ABR: variants seen among roughly 807,000 people sequenced by gnomAD.
ABR encodes the protein ABR activator of RhoGEF and GTPase.
ABR carries 35 observed loss-of-function variants against 107.2 expected under a neutral mutation model. That is an observed-to-expected ratio of 0.33 (90% CI 0.25 to 0.43). ABR has a LOEUF of 0.43. Ranked by LOEUF, ABR falls within the 20% of genes least tolerant of loss-of-function variation. The probability of loss-of-function intolerance (pLI) is 1.00; values close to 1 mark genes in which losing one functional copy is unlikely to be tolerated. For missense variants in ABR, 815 were observed against 1,115.2 expected (o/e 0.73, Z 3.83); for synonymous variants, 498 against 462.0 (o/e 1.08, Z -1.00).
At chr17:1,194,090 A>C (rs12450044) in intron 1 of ABR, among the ~76,000 whole-genome samples, 7 of 151,912 alleles carry the variant, frequency 4.6e-5, no homozygotes, top group Non-Finnish European at 8.8e-5. Flanking sequence ...GAAATCTGAC[A>C]AGCTCCTGGG....
At chr17:1,044,952 A>G (rs2031330809) in intron 16 of ABR, among the ~76,000 whole-genome samples, 1 of 152,276 alleles carries the variant, frequency 6.6e-6, no homozygotes, top group African/African-American at 2.4e-5. Flanking sequence ...AGTACTTTTA[A>G]CAAAGTATCC....
chr17:1,198,989 G>A (rs1487760376), intron 1 of ABR, among the ~76,000 whole-genome samples: 1 of 148,478 alleles, frequency 6.7e-6, no homozygotes, highest in Non-Finnish European at 1.5e-5. Context: ...GGGAGGCAGA[G>A]GTTGCAGTGA....
intron 2 of ABR, chr17:1,109,095 C>A: frequency 6.3e-7 from 1 of 1,588,058 alleles, no homozygotes; most frequent in African/African-American, 1.4e-5. Context: ...GGAGGGCAGA[C>A]AGGAAGCGGG....
chr17:1,031,917 T>TCCCTCCTCCGCATCCCTCCTTCCCCG (rs2072836173), intron 16 of ABR: 5 of 762,558 alleles, frequency 6.6e-6, no homozygotes, highest in Admixed American at 1.2e-4. Context: ...TCCTCCCTCC[T>TCCCTCCTCCGCATCCCTCCTTCCCCG]CCCTCCTCCG....
chr17:1,209,553 C>T (rs900457526), intron 1 of ABR, among the ~76,000 whole-genome samples: 1 of 152,152 alleles, frequency 6.6e-6, no homozygotes, highest in Non-Finnish European at 1.5e-5. Flanking sequence ...CCACCATGCT[C>T]AGCCAAAGTT....
At chr17:1,107,126 A>C (rs533861490) in intron 2 of ABR, among the ~76,000 whole-genome samples, 1 of 152,358 alleles carries the variant, frequency 6.6e-6, no homozygotes, top group Non-Finnish European at 1.5e-5. Flanking sequence ...CATTCGAGAA[A>C]GGTCTCCTTC....
At chr17:1,025,418 A>G (rs986569035) in intron 16 of ABR, among the ~76,000 whole-genome samples, 3 of 152,382 alleles carry the variant, frequency 2.0e-5, no homozygotes, top group Middle Eastern at 3.4e-3. Flanking sequence ...TGCCTCGTAC[A>G]GTACGTGTTC....
intron 16 of ABR, among the ~76,000 whole-genome samples, chr17:1,020,895 G>A (rs532539685): frequency 4.6e-5 from 7 of 152,184 alleles, no homozygotes; most frequent in Non-Finnish European, 5.9e-5. Context: ...CCAGCTCCCC[G>A]TGCTCGGATT....
chr17:1,058,781 G>C lies in ABR; in HGVS notation c.1269C>G (p.Pro423=), dbSNP rs1362414573. ...ENEFLLLLNS[P]TIPFRIHNRN... is the part of the protein sequence containing the mutation. Reference sequence around the variant, plus strand: ...GATTGTGGATCCTGAACGGGATTGTGGGGGAGTTGAGCAGCAGCAGGAACT... The same window carrying C: ...GATTGTGGATCCTGAACGGGATTGTCGGGGAGTTGAGCAGCAGCAGGAACT... The change falls in exon 11 of 23, where the codon CCC becomes CCG. Residue 423 remains proline (P), a synonymous_variant. Coordinates refer to ENST00000302538, the MANE Select transcript of ABR (RefSeq NM_021962.5). 3.1e-6 allele frequency: 5 copies of C among 1,613,960 alleles called. No homozygotes were observed. The Admixed American group carries it at 6.7e-5, about 22-fold the overall frequency.
chr17:1,126,945 G>C lies in ABR; in HGVS notation c.62-1578C>G, dbSNP rs976165266. ...CTTCAGCCAAGTCCCAGCCAGCCAA[G>C]TTCTCCACGGGGGCCCCAGCTCTTC... On this transcript the variant is annotated intron_variant, in intron 1 of 22. Transcript: ENST00000302538. 5.9e-5 allele frequency among the ~76,000 whole-genome samples: 9 copies of C among 152,302 alleles called. No individual in the cohort carries two copies. In the East Asian group the frequency reaches 1.7e-3, roughly 29 times the overall value.
At chr17:1,122,856 A>C (rs960134323) in intron 2 of ABR, among the ~76,000 whole-genome samples, 2 of 152,210 alleles carry the variant, frequency 1.3e-5, no homozygotes, top group Admixed American at 1.3e-4. Flanking sequence ...TTGGCTGCAT[A>C]TTTGGGCGTG....
At chr17:1,164,568 G>C (rs548402447) in intron 1 of ABR, among the ~76,000 whole-genome samples, 2 of 151,768 alleles carry the variant, frequency 1.3e-5, no homozygotes, top group African/African-American at 4.8e-5. Context: ...ACAAGCTTTC[G>C]GTCTACAGAT....
In ABR at chr17:1,148,565, CCCCCTGAA is replaced by C. The variant is rs2151520625; in HGVS notation, c.62-23206_62-23199del. Among the ~76,000 whole-genome samples, 1 of 152,306 alleles carries C rather than the reference CCCCCTGAA, an allele frequency of 6.6e-6. No individual in the cohort carries two copies. The highest frequency in any genetic ancestry group is 2.1e-4 in the South Asian group (1 of 4,818). ...GTGAGTGGTGGGTGAGCAAGCGTCACCCCCTGAACCCCACTTCCCATCCGAGCAGCAGC... is the reference window on the plus strand; with the variant it reads ...GTGAGTGGTGGGTGAGCAAGCGTCACCCCCACTTCCCATCCGAGCAGCAGC... On this transcript the variant is annotated intron_variant, in intron 1 of 22. Transcript: ENST00000302538. The surrounding 1 kb of genome is among the most constrained non-coding windows in gnomAD (Gnocchi z 4.9).
intron 16 of ABR, among the ~76,000 whole-genome samples, chr17:1,041,044 C>T (rs561959683): frequency 2.5e-4 from 38 of 152,254 alleles, no homozygotes; most frequent in Non-Finnish European, 4.4e-4. Context: ...CTCAGCCTCC[C>T]GAGTAGCTGG....
chr17:1,187,330 C>CCT (rs1225453918), upstream of ABR: 2 of 152,482 alleles, frequency 1.3e-5, no homozygotes, highest in South Asian at 2.1e-4. Flanking sequence ...TCCAGTCCTG[C>CCT]CTCTGCCCGT....
chr17:1,124,458 C>T (rs1217273225), intron 2 of ABR, among the ~76,000 whole-genome samples: 1 of 152,236 alleles, frequency 6.6e-6, no homozygotes, highest in African/African-American at 2.4e-5. Context: ...GCAAACAACC[C>T]CCAGAACCTC....
At chr17:1,028,136 G>A (rs1000809208) in intron 16 of ABR, among the ~76,000 whole-genome samples, 2 of 152,110 alleles carry the variant, frequency 1.3e-5, no homozygotes, top group Admixed American at 1.3e-4. Flanking sequence ...TGTTGCCCAG[G>A]CTGGAGTGCA....
intron 1 of ABR, among the ~76,000 whole-genome samples, chr17:1,155,541 G>A (rs535149261): frequency 2.0e-5 from 3 of 152,174 alleles, no homozygotes; most frequent in Non-Finnish European, 2.9e-5. Flanking sequence ...CAGAGAGCAC[G>A]GGGGAACCGC....
intron 1 of ABR, among the ~76,000 whole-genome samples, chr17:1,212,279 G>C (rs1473953083): frequency 6.6e-6 from 1 of 151,046 alleles, no homozygotes; most frequent in African/African-American, 2.4e-5. Flanking sequence ...AGTTTTATAA[G>C]GATTAGCCAG....
Sources: allele counts gnomAD v4.1 joint callset (sites outside exome capture counted in the v4.1 genomes callset), GRCh38; gene constraint gnomAD v4.1.1; non-coding constraint Gnocchi (gnomAD v3.1); transcripts MANE v1.5; gene names NCBI Gene and HGNC (gene_info 2026-07-23, HGNC 2026-07-21).